Variants in XPO4 observed in about 807,000 individuals in gnomAD.
XPO4 encodes the protein exportin-4.
A neutral mutation model predicts 143.0 loss-of-function variants in XPO4; 39 were observed. The ratio of observed to expected loss-of-function variants is 0.27; its 90% CI spans 0.21 to 0.36. The LOEUF (loss-of-function observed/expected upper bound fraction) is 0.36. XPO4 is among the 10% of genes least tolerant of loss of function. XPO4 has a pLI of 1.00. For missense variants in XPO4, 907 were observed against 1,348.0 expected (o/e 0.67, Z 5.12); for synonymous variants, 439 against 474.0 (o/e 0.93, Z 0.96).
Position 20,808,601 on chromosome 13 carries a change from T to G in XPO4, c.1494-20A>C. ...AATAAACTAAAAGAGAAGAAAACAG[T>G]AGCTTCATAAAGTTCAATAAGCAAA... On this transcript the variant is annotated intron_variant, in intron 11 of 22. Coordinates refer to ENST00000255305, the MANE Select transcript of XPO4 (RefSeq NM_022459.5). 1 of 1,524,166 alleles carries G rather than the reference T, an allele frequency of 6.6e-7. No homozygotes were observed. The highest frequency in any genetic ancestry group is 8.9e-7 in the Non-Finnish European group (1 of 1,122,784). 94.4% of individuals were successfully genotyped at this position (1,524,166 alleles called of 1,614,324 possible).
At chr13:20,825,554 C>T (rs559049491) in intron 7 of XPO4, among the ~76,000 whole-genome samples, 4 of 152,300 alleles carry the variant, frequency 2.6e-5, no homozygotes, top group African/African-American at 7.2e-5. Context: ...TTGTTCACAG[C>T]TGACAGGAGC....
intron 3 of XPO4, among the ~76,000 whole-genome samples, chr13:20,858,647 G>T (rs755016047): frequency 6.6e-6 from 1 of 151,974 alleles, no homozygotes; most frequent in Non-Finnish European, 1.5e-5. Flanking sequence ...CAAGGAGGGC[G>T]GATCATGAGG....
chr13:20,786,127 G>A (rs148089741), intron 22 of XPO4, among the ~76,000 whole-genome samples: 2 of 152,060 alleles, frequency 1.3e-5, no homozygotes, highest in African/African-American at 4.8e-5. Context: ...CTAGGGCAGA[G>A]AGCAAGAAAT....
At chr13:20,819,479 G>T (rs367722266) in intron 9 of XPO4, among the ~76,000 whole-genome samples, 7 of 152,072 alleles carry the variant, frequency 4.6e-5, no homozygotes, top group African/African-American at 7.2e-5. Flanking sequence ...GGCCAACATG[G>T]TGAAACCCCG....
At chr13:20,888,871 C>T (rs527386564) in intron 1 of XPO4, among the ~76,000 whole-genome samples, 6 of 151,580 alleles carry the variant, frequency 4.0e-5, no homozygotes, top group South Asian at 2.1e-4. Context: ...GGTGCAATCT[C>T]GGCTCACTGC....
In XPO4 at chr13:20,808,931, G is replaced by A. The variant is rs1284374798; in HGVS notation, c.1493+152C>T. On this transcript the variant is annotated intron_variant, in intron 11 of 22. Transcript: ENST00000255305. Reference sequence around the variant, plus strand: ...CTGGGCTCCAAATGTCTAAGCCAAGGAACGCAATCATGAGTATGTTTCTGT... The same window carrying A: ...CTGGGCTCCAAATGTCTAAGCCAAGAAACGCAATCATGAGTATGTTTCTGT... 4 of 881,410 alleles carry A rather than the reference G, an allele frequency of 4.5e-6. No individual in the cohort carries two copies. The East Asian group carries it at 1.0e-4, about 22-fold the overall frequency. 54.6% of individuals were successfully genotyped at this position (881,410 alleles called of 1,614,324 possible).
intron 1 of XPO4, chr13:20,878,991 T>TA: frequency 1.5e-6 from 1 of 659,996 alleles, no homozygotes; most frequent in African/African-American, 2.0e-5. Flanking sequence ...CAAAATTTCT[T>TA]AAAAATTTTA....
At chr13:20,794,918 C>CA (rs5802087) in intron 18 of XPO4, among the ~76,000 whole-genome samples, 54,900 of 147,738 alleles carry the variant, frequency 0.37, 12,067 homozygotes, top group Non-Finnish European at 0.5. Context: ...TAGTTAACTG[C>CA]AAAAAAAATA....
intron 1 of XPO4, chr13:20,879,381 A>T: frequency 1.1e-6 from 1 of 914,354 alleles, no homozygotes; most frequent in Non-Finnish European, 1.3e-6. Flanking sequence ...AAGAGCGTAA[A>T]TTACTTCAGA....
chr13:20,895,458 C>T (rs1002213667), intron 1 of XPO4, among the ~76,000 whole-genome samples: 1 of 151,816 alleles, frequency 6.6e-6, no homozygotes, highest in Non-Finnish European at 1.5e-5. Context: ...AAGGTGAAAC[C>T]CTGTCCCTAC....
chr13:20,874,988 C>T (rs1004955242), intron 1 of XPO4, among the ~76,000 whole-genome samples: 6 of 130,116 alleles, frequency 4.6e-5, no homozygotes, highest in Admixed American at 1.5e-4. Flanking sequence ...AGTGAGACTC[C>T]GTCTCAAAAA....
intron 1 of XPO4, among the ~76,000 whole-genome samples, chr13:20,873,083 G>T (rs1358343228): frequency 7.3e-6 from 1 of 136,844 alleles, no homozygotes; most frequent in African/African-American, 2.7e-5. Flanking sequence ...AGAGACCCGT[G>T]ACCATTCCAA....
chr13:20,854,821 C>T (rs1230175125), intron 4 of XPO4, among the ~76,000 whole-genome samples: 2 of 152,184 alleles, frequency 1.3e-5, no homozygotes, highest in Admixed American at 6.5e-5. Context: ...GAGAACCATG[C>T]TTCCCAAACT....
intron 16 of XPO4, among the ~76,000 whole-genome samples, chr13:20,798,016 C>T (rs1201836974): frequency 6.6e-6 from 1 of 151,992 alleles, no homozygotes; most frequent in Non-Finnish European, 1.5e-5. Flanking sequence ...TGGTGGTGCG[C>T]ACCTGTAATC....
chr13:20,874,732 G>A (rs537475554), intron 1 of XPO4, among the ~76,000 whole-genome samples: 4 of 152,250 alleles, frequency 2.6e-5, no homozygotes, highest in East Asian at 3.9e-4. Flanking sequence ...GGTGGCTCAC[G>A]CCTGTAATCC....
rs565585523 is a variant in XPO4 at position 20,862,370 on chromosome 13, TAAATA to T, written c.317+342_317+346del. ...GAAACAAAACATAGTACCAAAAGCT[TAAATA>T]AAAGGTATTATTTCATTAAGCACCA... On this transcript the variant is annotated intron_variant, in intron 3 of 22. Coordinates refer to ENST00000255305, the MANE Select transcript of XPO4 (RefSeq NM_022459.5). Among the ~76,000 whole-genome samples the T allele has an allele frequency of 8.7e-4, 133 of 152,328 alleles. 1 individual carries two copies. In the East Asian group the frequency reaches 0.023, roughly 26 times the overall value.
intron 13 of XPO4, among the ~76,000 whole-genome samples, chr13:20,802,872 C>A (rs1474519714): frequency 6.6e-6 from 1 of 152,100 alleles, no homozygotes; most frequent in African/African-American, 2.4e-5. Context: ...TAAAACTAGA[C>A]AACTGAGCAA....
At chr13:20,849,687 T>A (rs1490961027) in intron 4 of XPO4, 7 of 984,340 alleles carry the variant, frequency 7.1e-6, no homozygotes, top group South Asian at 4.7e-5. Flanking sequence ...TAAGAATACA[T>A]CATTTTTTAC....
intron 2 of XPO4, chr13:20,865,477 C>T: frequency 2.0e-6 from 2 of 985,340 alleles, no homozygotes; most frequent in Non-Finnish European, 2.4e-6. Context: ...AGATCTGCCA[C>T]TGACTAGGAC....
Sources: allele counts gnomAD v4.1 joint callset (sites outside exome capture counted in the v4.1 genomes callset), GRCh38; gene constraint gnomAD v4.1.1; transcripts MANE v1.5; gene names NCBI Gene and HGNC (gene_info 2026-07-23, HGNC 2026-07-21).